Variants in DCDC1 observed in about 807,000 individuals in gnomAD.
DCDC1 encodes the protein doublecortin domain containing 1.
Under a neutral mutation model 178.3 loss-of-function variants are expected in DCDC1, and 200 were observed. The observed-to-expected ratio is 1.12, with a 90% CI of 1.00 to 1.26. DCDC1 has a LOEUF of 1.26. Among genes scored for constraint, DCDC1 ranks in the 50% most tolerant of loss-of-function variants. The probability of loss-of-function intolerance (pLI) is 0.00; values close to 1 mark genes in which losing one functional copy is unlikely to be tolerated. For synonymous variants in DCDC1, 690 were observed against 604.8 expected (o/e 1.14, Z -2.07); for missense variants, 1,983 against 1,749.2 (o/e 1.13, Z -2.38).
chr11:31,087,386 G>C (rs1957544900), intron 17 of DCDC1, among the ~76,000 whole-genome samples: 1 of 150,318 alleles, frequency 6.7e-6, no homozygotes, highest in Non-Finnish European at 1.5e-5. Context: ...CATTTCTTCT[G>C]CTTACTTTGT....
chr11:31,141,565 T>C (rs1369139868), intron 9 of DCDC1, among the ~76,000 whole-genome samples: 1 of 152,194 alleles, frequency 6.6e-6, no homozygotes, highest in East Asian at 1.9e-4. Context: ...ATGAGATCAA[T>C]AGATCAGTTG....
At position 30,911,368 on chromosome 11, in the gene DCDC1, TG is replaced by T; in HGVS notation, c.3705del (p.Lys1236ArgfsTer31). 1.2e-6 allele frequency: 2 copies of T among 1,606,206 alleles called. No homozygotes were observed. The highest frequency in any genetic ancestry group is 1.7e-6 in the Non-Finnish European group (2 of 1,176,250). On this transcript the variant is annotated frameshift_variant, in exon 28 of 39. Transcript: ENST00000684477. LOFTEE classifies it high-confidence loss of function. ...NPDLVLAVSM[T>X]KTRNEVCGYP... ...TAGCCACAAACTTCATTTCTAGTCT[TG>T]GTCATAGACACTGCCAGCACAAGGT... is the stretch of plus-strand genomic sequence containing the variant.
At chr11:31,104,980 C>A (rs924191106) in intron 13 of DCDC1, among the ~76,000 whole-genome samples, 1 of 151,990 alleles carries the variant, frequency 6.6e-6, no homozygotes, top group Non-Finnish European at 1.5e-5. Flanking sequence ...TCATCTTTTA[C>A]AAATGAGTAG....
intron 9 of DCDC1, among the ~76,000 whole-genome samples, chr11:31,204,595 C>T (rs1971667317): frequency 6.6e-6 from 1 of 152,096 alleles, no homozygotes; most frequent in Non-Finnish European, 1.5e-5. Flanking sequence ...GGCTGAGGCC[C>T]ACAGATGACT....
intron 9 of DCDC1, among the ~76,000 whole-genome samples, chr11:31,204,650 C>G (rs1025458825): frequency 3.3e-5 from 5 of 152,110 alleles, no homozygotes; most frequent in African/African-American, 1.2e-4. Flanking sequence ...TGGTGAAACC[C>G]TGTCTCTACA....
intron 9 of DCDC1, among the ~76,000 whole-genome samples, chr11:31,182,333 G>A (rs1308175691): frequency 1.3e-5 from 2 of 152,232 alleles, no homozygotes; most frequent in African/African-American, 4.8e-5. Context: ...TGAGAGAAAG[G>A]TGGGGTTATC....
At chr11:31,040,846 C>A (rs1489416308) in intron 20 of DCDC1, among the ~76,000 whole-genome samples, 1 of 152,146 alleles carries the variant, frequency 6.6e-6, no homozygotes, top group Admixed American at 6.5e-5. Flanking sequence ...CAGCTGTGAG[C>A]TAGAAAAGCT....
At chr11:31,323,250 C>G (rs932044744) in intron 3 of DCDC1, among the ~76,000 whole-genome samples, 3 of 152,276 alleles carry the variant, frequency 2.0e-5, no homozygotes, top group Non-Finnish European at 4.4e-5. Context: ...GGCTCAAAAA[C>G]AAACATGCAG....
intron 1 of DCDC1, among the ~76,000 whole-genome samples, chr11:31,352,616 A>G (rs535479044): frequency 2.8e-4 from 43 of 152,306 alleles, no homozygotes; most frequent in African/African-American, 9.1e-4. Flanking sequence ...CAAAACAAAG[A>G]TAACAGCTTT....
chr11:31,296,861 C>A (rs368735767), intron 6 of DCDC1, among the ~76,000 whole-genome samples: 1 of 149,960 alleles, frequency 6.7e-6, no homozygotes, highest in African/African-American at 2.5e-5. Flanking sequence ...ATGGGGGGGA[C>A]CACCCCCATG....
Position 30,931,962 on chromosome 11 carries a change from G to A in DCDC1, c.2716-10C>T. ...TTGGCCAATCAAACTCCTTCAGAAA[G>A]AAATGACAAAAACATAATAATAAAT... On this transcript the variant is annotated splice_polypyrimidine_tract_variant and intron_variant, in intron 21 of 38. Transcript: ENST00000684477. The A allele has an allele frequency of 6.3e-7, 1 of 1,592,356 alleles. No homozygotes were observed. The highest frequency in any genetic ancestry group is 1.8e-5 in the Admixed American group (1 of 55,130).
At chr11:31,040,337 T>C (rs1954360742) in intron 20 of DCDC1, among the ~76,000 whole-genome samples, 2 of 152,228 alleles carry the variant, frequency 1.3e-5, no homozygotes, top group South Asian at 4.1e-4. Context: ...GACTTTCCTA[T>C]GCACTATCTG....
At chr11:30,921,076 G>T (rs772205923) in intron 24 of DCDC1, 141 bp from the exon 25 acceptor site, 25 of 799,406 alleles carry the variant, frequency 3.1e-5, no homozygotes, top group Non-Finnish European at 4.1e-5. Flanking sequence ...AAACTCAGTT[G>T]AATTTAATTT....
intron 38 of DCDC1, among the ~76,000 whole-genome samples, chr11:30,872,139 T>A (rs1941640689): frequency 6.6e-6 from 1 of 152,120 alleles, no homozygotes; most frequent in Non-Finnish European, 1.5e-5. Flanking sequence ...GCTCATCTTG[T>A]GCCTGTTAGT....
rs1390717458 is a variant in DCDC1 at position 31,064,507 on chromosome 11, C to T, written c.2553G>A (p.Arg851=). The T allele has an allele frequency of 1.3e-6, 1 of 765,768 alleles. No individual in the cohort carries two copies. The highest frequency in any genetic ancestry group is 2.4e-6 in the Non-Finnish European group (1 of 417,528). 47.4% of individuals were successfully genotyped at this position (765,768 alleles called of 1,614,324 possible). ...CCTTAGGATGTTTCTCTTCCAGTTT[C>T]CTCACCAGTGCTACTGTCAGCTCCC... The part of the protein sequence containing the change: ...ETGELTVALV[R]KLEEKHPKAS... Residue 851 remains arginine (R), a synonymous_variant, in exon 20 of 39, where the codon AGG becomes AGA. Coordinates refer to ENST00000684477, the MANE Select transcript of DCDC1 (RefSeq NM_001387274.1).
At chr11:31,339,134 T>C (rs1047525014) in intron 1 of DCDC1, among the ~76,000 whole-genome samples, 1 of 152,198 alleles carries the variant, frequency 6.6e-6, no homozygotes, top group Admixed American at 6.5e-5. Flanking sequence ...AAAGTTCATG[T>C]TTAAGTCAGT....
chr11:31,105,419 T>C (rs948843084), intron 13 of DCDC1, among the ~76,000 whole-genome samples: 1 of 151,622 alleles, frequency 6.6e-6, no homozygotes, highest in African/African-American at 2.4e-5. Flanking sequence ...AATTAGTGAG[T>C]CATTACTTTC....
At chr11:31,265,647 T>C (rs1279320761) in intron 7 of DCDC1, 47 bp from the exon 8 acceptor site, 3 of 942,740 alleles carry the variant, frequency 3.2e-6, no homozygotes, top group African/African-American at 1.7e-5. Flanking sequence ...ACTGGTTAAA[T>C]TGAATACACA....
chr11:31,287,980 T>A (rs1051994887), intron 7 of DCDC1, among the ~76,000 whole-genome samples: 2 of 151,574 alleles, frequency 1.3e-5, no homozygotes, highest in African/African-American at 2.4e-5. Flanking sequence ...AATTTCCTGC[T>A]ATTGGTGATA....
Sources: allele counts gnomAD v4.1 joint callset (sites outside exome capture counted in the v4.1 genomes callset), GRCh38; gene constraint gnomAD v4.1.1; transcripts MANE v1.5; gene names NCBI Gene and HGNC (gene_info 2026-07-23, HGNC 2026-07-21).